The following MCMBP variants were observed in gnomAD, a reference collection of about 807,000 sequenced individuals.
The protein encoded by MCMBP is minichromosome maintenance complex binding protein.
MCMBP carries 31 observed loss-of-function variants against 81.3 expected under a neutral mutation model. The ratio of observed to expected loss-of-function variants is 0.38; its 90% CI spans 0.29 to 0.51. The LOEUF (loss-of-function observed/expected upper bound fraction) is 0.51. MCMBP is among the 20% of genes least tolerant of loss of function. The pLI is 0.87. For missense variants in MCMBP, 645 were observed against 772.1 expected (o/e 0.84, Z 1.95); for synonymous variants, 267 against 275.9 (o/e 0.97, Z 0.32).
intron 1 of MCMBP, among the ~76,000 whole-genome samples, chr10:119,872,090 G>C (rs550464218): frequency 6.6e-6 from 1 of 152,174 alleles, no homozygotes; most frequent in Non-Finnish European, 1.5e-5. Context: ...CGACGCACCG[G>C]AAGTTTTGAA....
intron 1 of MCMBP, among the ~76,000 whole-genome samples, chr10:119,863,728 CAAAAAAAAAAAAAAAAAAAAAAAAA>C (rs57266961): frequency 5.0e-5 from 1 of 20,188 alleles, no homozygotes; most frequent in Non-Finnish European, 8.2e-5. Context: ...GGCTCAGACT[CAAAAAAAAAAAAAAAAAAAAAAAAA>C]AAAAAAAAAA....
At position 119,830,223 on chromosome 10, in the gene MCMBP, C is replaced by T. The variant is rs556259192; in HGVS notation, c.*1251G>A. On this transcript the variant is annotated 3_prime_UTR_variant, in exon 16 of 16. Coordinates refer to ENST00000369077, the MANE Select transcript of MCMBP (RefSeq NM_001256378.2). ...TCAATTTAGGCCTTATAGGAAAAAA[C>T]GTAAGGGATCCTTTATCTGCCTCCA... 13 of 152,578 alleles carry T rather than the reference C, an allele frequency of 8.5e-5. No individual in the cohort carries two copies. Among genetic ancestry groups the T allele is most frequent in the Non-Finnish European group, 1.5e-4 (10 of 68,026 alleles). 9.5% of individuals were successfully genotyped at this position (152,578 alleles called of 1,614,324 possible).
Position 119,872,594 on chromosome 10 carries a change from G to A in MCMBP, c.-10C>T. 8.5e-7 allele frequency: 1 copy of A among 1,171,256 alleles called. No homozygotes were observed. Among genetic ancestry groups the A allele is most frequent in the Non-Finnish European group, 1.1e-6 (1 of 942,126 alleles). 72.6% of individuals were successfully genotyped at this position (1,171,256 alleles called of 1,614,324 possible). On this transcript the variant is annotated 5_prime_UTR_variant, in exon 1 of 16. Coordinates refer to ENST00000369077, the MANE Select transcript of MCMBP (RefSeq NM_001256378.2). ...CCTCCCCACACGGCATCTCGCCAGG[G>A]GCCGGGGCCGGCGAAGACCGGGCGG...
At chr10:119,839,847 A>T (rs1852374034) in intron 11 of MCMBP, among the ~76,000 whole-genome samples, 1 of 152,196 alleles carries the variant, frequency 6.6e-6, no homozygotes, top group Admixed American at 6.5e-5. Flanking sequence ...TCCTTCCTTT[A>T]CCATCTACTT....
chr10:119,831,957 A>G, intron 15 of MCMBP, 55 bp downstream of exon 15: 1 of 1,490,088 alleles, frequency 6.7e-7, no homozygotes, highest in Non-Finnish European at 9.1e-7. Context: ...TGAATAACTC[A>G]GAAGACATAT....
chr10:119,858,773 AT>A, intron 4 of MCMBP, 110 bp downstream of exon 4: 1 of 845,550 alleles, frequency 1.2e-6, no homozygotes, highest in Non-Finnish European at 1.8e-6. Flanking sequence ...ATTTCACATG[AT>A]TTCTTGTAAC....
Position 119,848,793 on chromosome 10 carries a change from TTTAAATA to T in MCMBP, c.726+625_726+631del, listed in dbSNP as rs578054491. 1.3e-4 allele frequency among the ~76,000 whole-genome samples: 20 copies of T among 152,344 alleles called. No homozygotes were observed. The East Asian group carries it at 3.7e-3, about 28-fold the overall frequency. On this transcript the variant is annotated intron_variant, in intron 7 of 15. Coordinates refer to ENST00000369077, the MANE Select transcript of MCMBP (RefSeq NM_001256378.2). ...AAAAGTTTTCTTCCTTCTGTTTTAT[TTTAAATA>T]TAAGTGAAAAATAGGTTTTGCTGAG...
chr10:119,839,510 C>G (rs1300339583), intron 11 of MCMBP, among the ~76,000 whole-genome samples: 2 of 152,098 alleles, frequency 1.3e-5, no homozygotes, highest in African/African-American at 2.4e-5. Flanking sequence ...CTTAAATGAC[C>G]TACCATGTAT....
intron 2 of MCMBP, 130 bp from the exon 3 acceptor site, chr10:119,859,311 C>CACA: frequency 2.7e-6 from 2 of 731,528 alleles, no homozygotes; most frequent in Non-Finnish European, 4.2e-6. Flanking sequence ...CACACCCATG[C>CACA]CACATCAGAG....
upstream of MCMBP, chr10:119,873,432 G>C (rs539225204): frequency 6.6e-6 from 1 of 152,158 alleles, no homozygotes; most frequent in Non-Finnish European, 1.5e-5. Flanking sequence ...GTTCCTTACC[G>C]AGGGGCGGGC....
At chr10:119,841,024 G>A (rs749377576) in intron 10 of MCMBP, 64 bp from the exon 11 acceptor site, 35 of 931,468 alleles carry the variant, frequency 3.8e-5, no homozygotes, top group Non-Finnish European at 4.9e-5. Flanking sequence ...ATCAAATAGC[G>A]AAGAATAGAA....
At chr10:119,873,297 T>A (rs1232562107), upstream of MCMBP, 5 of 152,166 alleles carry the variant, frequency 3.3e-5, no homozygotes, top group East Asian at 9.7e-4. Flanking sequence ...CCCGAAACCC[T>A]GAGTGGTGAC....
rs1327713661 is a variant in MCMBP, at chr10:119,872,687, C to T, written c.-103G>A. The T allele has an allele frequency of 8.1e-5, 42 of 516,506 alleles. No individual in the cohort carries two copies. In the East Asian group the frequency reaches 3.0e-3, roughly 37 times the overall value. 32.0% of individuals were successfully genotyped at this position (516,506 alleles called of 1,614,324 possible). ...GCTCCTCTTCAGCGGCTCGGCCGCT[C>T]CTCGCCCGCGTTCGCTCGCGCCCTC... is the stretch of plus-strand genomic sequence containing the variant. On this transcript the variant is annotated 5_prime_UTR_variant, in exon 1 of 16. Transcript: ENST00000369077.
rs1398501182 is a variant in MCMBP, at chr10:119,859,793, G to A, written c.144+6C>T. ...CCCTCTCCCTCGAAAATAGCAATAA[G>A]CTTACCCACTTAGGAGCATTATTTT... On this transcript the variant is annotated splice_donor_region_variant and intron_variant, in intron 2 of 15. Transcript: ENST00000369077. 2 of 1,604,160 alleles carry A rather than the reference G, an allele frequency of 1.2e-6. No individual in the cohort carries two copies. Among genetic ancestry groups the A allele is most frequent in the African/African-American group, 2.7e-5 (2 of 74,628 alleles).
Position 119,835,612 on chromosome 10 carries a change from C to T in MCMBP, c.1635G>A (p.Val545=). 1 of 1,614,206 alleles carries T rather than the reference C, an allele frequency of 6.2e-7. No homozygotes were observed. The highest frequency in any genetic ancestry group is 8.5e-7 in the Non-Finnish European group (1 of 1,180,034). The change falls in exon 14 of 16, where the codon GTG becomes GTA. Residue 545 remains valine, a synonymous_variant. Transcript: ENST00000369077. The part of the protein sequence containing the change: ...NSLLSAVLPS[V]LNKFRIYLTL... The stretch of plus-strand genomic sequence containing the variant: ...TTAGATAAATGCGGAATTTGTTCAG[C>T]ACGGAAGGCAGCACCGCTGAGAGAA...
rs1338104113 is a variant in MCMBP, at chr10:119,847,729, A to G, written c.727-16T>C. 7.0e-7 allele frequency: 1 copy of G among 1,437,848 alleles called. No individual in the cohort carries two copies. The allele number at this position is 1,437,848 out of a possible 1,614,324, so 89.1% of individuals were successfully genotyped here. On this transcript the variant is annotated splice_polypyrimidine_tract_variant and intron_variant, in intron 7 of 15. Transcript: ENST00000369077. The stretch of plus-strand genomic sequence containing the variant: ...CTTCATAAACCTAACAAGAGACCAC[A>G]TGAAATCACACTGTTAGAACAGACA...
chr10:119,866,058 C>G (rs1404025386), intron 1 of MCMBP, among the ~76,000 whole-genome samples: 1 of 150,628 alleles, frequency 6.6e-6, no homozygotes, highest in Non-Finnish European at 1.5e-5. Context: ...ACACAGCATT[C>G]CAGCCTGGAC....
chr10:119,860,260 GTTTT>G (rs559421003), intron 1 of MCMBP, among the ~76,000 whole-genome samples: 1 of 152,044 alleles, frequency 6.6e-6, no homozygotes, highest in African/African-American at 2.4e-5. Flanking sequence ...TTTTTATGTA[GTTTT>G]TTTATCTTTA....
Position 119,831,356 on chromosome 10 carries a change from G to A in MCMBP, c.*118C>T, listed in dbSNP as rs1231137382. The A allele has an allele frequency of 7.9e-7, 1 of 1,270,528 alleles. No homozygotes were observed. Among genetic ancestry groups the A allele is most frequent in the Non-Finnish European group, 1.1e-6 (1 of 914,490 alleles). The allele number at this position is 1,270,528 out of a possible 1,614,324, so 78.7% of individuals were successfully genotyped here. Reference sequence around the variant, plus strand: ...CAGGTGTTACCAGGCTTGATTTCAGGAAATGTCACTGGTTTGTGATAGAAA... The same window carrying A: ...CAGGTGTTACCAGGCTTGATTTCAGAAAATGTCACTGGTTTGTGATAGAAA... On this transcript the variant is annotated 3_prime_UTR_variant, in exon 16 of 16. Transcript: ENST00000369077.
Sources: allele counts gnomAD v4.1 joint callset (sites outside exome capture counted in the v4.1 genomes callset), GRCh38; gene constraint gnomAD v4.1.1; transcripts MANE v1.5; gene names NCBI Gene and HGNC (gene_info 2026-07-23, HGNC 2026-07-21).